SMPD3: variants seen among roughly 807,000 people sequenced by gnomAD.
SMPD3 encodes sphingomyelin phosphodiesterase 3.
SMPD3 carries 21 observed loss-of-function variants against 55.7 expected under a neutral mutation model. The observed-to-expected ratio is 0.38, with a 90% CI of 0.27 to 0.54. SMPD3 has a LOEUF of 0.54. Among genes scored for constraint, SMPD3 ranks in the 20% least tolerant of loss-of-function variants. SMPD3 has a pLI of 0.80. For missense variants in SMPD3, 842 were observed against 899.6 expected, an observed-to-expected ratio of 0.94 and a Z score of 0.82; for synonymous variants, 457 against 404.3, an observed-to-expected ratio of 1.13 and a Z score of -1.56.
intron 2 of SMPD3, among the ~76,000 whole-genome samples, chr16:68,377,264 G>A (rs1009311568): frequency 3.3e-5 from 5 of 152,218 alleles, no homozygotes; most frequent in Non-Finnish European, 1.5e-5. Flanking sequence ...CCAAGCAGGA[G>A]GAGAACTTGC....
intron 1 of SMPD3, among the ~76,000 whole-genome samples, chr16:68,392,048 T>C (rs1373375688): frequency 1.3e-5 from 2 of 151,944 alleles, no homozygotes; most frequent in African/African-American, 4.8e-5. Flanking sequence ...CCCACCATCA[T>C]GTCCAGCTAA....
In SMPD3 at chr16:68,361,669, C is replaced by G; in HGVS notation, c.1800G>C (p.Lys600Asn). 1 of 1,612,752 alleles carries G rather than the reference C, an allele frequency of 6.2e-7. No individual in the cohort carries two copies. The highest frequency in any genetic ancestry group is 8.5e-7 in the Non-Finnish European group (1 of 1,179,976). Residue 600 changes from lysine to asparagine, a missense_variant, in exon 8 of 9, where the codon AAG (lysine) becomes AAC (asparagine). Physicochemically the swap from Lys to Asn is moderately conservative, Grantham distance 94. This residue lies in a region of SMPD3 where 649 missense variants were observed against 643.6 expected (regional missense o/e 1.01). Transcript: ENST00000219334. ...TGTAGTCGATGCGCCGGCCGTTGCC[C>G]TTCAGCAGCTCCTTCCGCCCCTTCT... The part of the protein sequence containing the change: ...SGQKGRKELL[K>N]GNGRRIDYML...
chr16:68,406,454 C>G (rs974236859), intron 1 of SMPD3, among the ~76,000 whole-genome samples: 1 of 152,186 alleles, frequency 6.6e-6, no homozygotes, highest in African/African-American at 2.4e-5. Context: ...GTTGGGATGG[C>G]TGGGGCTAGT....
At chr16:68,428,947 G>A (rs1015236446) in intron 1 of SMPD3, among the ~76,000 whole-genome samples, 1 of 152,218 alleles carries the variant, frequency 6.6e-6, no homozygotes, top group Non-Finnish European at 1.5e-5. Flanking sequence ...GGTCAGAGCA[G>A]GTCAGCCTAG....
intron 3 of SMPD3, among the ~76,000 whole-genome samples, chr16:68,366,777 A>G (rs1268542822): frequency 6.6e-6 from 1 of 152,180 alleles, no homozygotes; most frequent in Admixed American, 6.5e-5. Context: ...TGGGAGGTTG[A>G]GGCAGGCAGA....
At chr16:68,361,820 G>C in intron 7 of SMPD3, 61 bp from the exon 8 acceptor site, 2 of 1,574,030 alleles carry the variant, frequency 1.3e-6, no homozygotes, top group Non-Finnish European at 1.7e-6. Context: ...CCTGGCAGGG[G>C]CTGTGTGTGG....
At chr16:68,367,051 C>T (rs1204974471) in intron 3 of SMPD3, among the ~76,000 whole-genome samples, 2 of 151,806 alleles carry the variant, frequency 1.3e-5, no homozygotes, top group Non-Finnish European at 2.9e-5. Context: ...GCCTGTAACC[C>T]CAGCTATTCA....
At chr16:68,378,169 C>T (rs1430105465) in intron 2 of SMPD3, among the ~76,000 whole-genome samples, 13 of 152,174 alleles carry the variant, frequency 8.5e-5, no homozygotes, top group Admixed American at 6.5e-5. Flanking sequence ...CCCTGGTTTC[C>T]GCAGGAAAAG....
chr16:68,387,567 T>C (rs2090069261), intron 1 of SMPD3, among the ~76,000 whole-genome samples: 1 of 152,178 alleles, frequency 6.6e-6, no homozygotes, highest in Admixed American at 6.5e-5. Flanking sequence ...CCAGGCCTTG[T>C]CCCTACTAAT....
Position 68,361,879 on chromosome 16 carries a change from C to T in SMPD3, c.1710-120G>A, listed in dbSNP as rs2089290804. 8.6e-6 allele frequency: 12 copies of T among 1,396,456 alleles called. No homozygotes were observed. In the South Asian group the frequency reaches 1.7e-4, roughly 19 times the overall value. The allele number at this position is 1,396,456 out of a possible 1,614,324, so 86.5% of individuals were successfully genotyped here. A position where few individuals can be genotyped will look rare whatever the true frequency, so the allele number is the denominator to read the frequency against. On this transcript the variant is annotated intron_variant, in intron 7 of 8. Transcript: ENST00000219334. ...GGAGCGGGTGGGTGGGACCAAAGCG[C>T]TGGGTTTAAGATCTCTCCCCTGCGG... is the stretch of plus-strand genomic sequence containing the variant.
rs997822043 is a variant in SMPD3, at chr16:68,404,057, G to T, written c.-268-17398C>A. On this transcript the variant is annotated intron_variant, in intron 1 of 8. Transcript: ENST00000219334. This position sits in a 1 kb window ranked among gnomAD's most constrained non-coding sequence, Gnocchi z 4.0. ...CTTTCTTTCTTTATTCTTTGACAGG[G>T]TCTCATTCTGTGCAGTGGTGCCATC... Among the ~76,000 whole-genome samples, 7 of 151,944 alleles carry T rather than the reference G, an allele frequency of 4.6e-5. No homozygotes were observed. Among genetic ancestry groups the T allele is most frequent in the Admixed American group, 4.6e-4 (7 of 15,240 alleles).
At chr16:68,411,103 A>G (rs1597654008) in intron 1 of SMPD3, among the ~76,000 whole-genome samples, 1 of 152,268 alleles carries the variant, frequency 6.6e-6, no homozygotes, top group Non-Finnish European at 1.5e-5. Flanking sequence ...CTCTATGACC[A>G]GAATGTCCCT....
chr16:68,370,947 C>A lies in SMPD3; in HGVS notation c.1235G>T (p.Arg412Leu), dbSNP rs1475905960. The change falls in exon 3 of 9, where the codon CGC becomes CTC. Residue 412 changes from arginine (R) to leucine (L), a missense_variant. Physicochemically the swap from Arg to Leu is moderately radical, Grantham distance 102. Transcript: ENST00000219334. ...CLNSGLLFAS[R>L]YPIMDVAYHC... ...ATAGGCCACGTCCATGATGGGGTAG[C>A]GGCTGGCAAAGAGGAGGCCGCTGTT... is the stretch of plus-strand genomic sequence containing the variant. 1 of 1,614,118 alleles carries A rather than the reference C, an allele frequency of 6.2e-7. No homozygotes were observed.
At chr16:68,410,307 C>A (rs975765034) in intron 1 of SMPD3, among the ~76,000 whole-genome samples, 23 of 151,914 alleles carry the variant, frequency 1.5e-4, no homozygotes, top group Admixed American at 3.3e-4. Context: ...AGGGCAGAGG[C>A]GATGGGCCAT....
chr16:68,434,657 T>A (rs529259922), intron 1 of SMPD3, among the ~76,000 whole-genome samples: 1 of 152,332 alleles, frequency 6.6e-6, no homozygotes, highest in Admixed American at 6.5e-5. Flanking sequence ...GTTTTTTGCA[T>A]TTCCTTTCTT....
At chr16:68,396,990 G>A (rs113531948) in intron 1 of SMPD3, among the ~76,000 whole-genome samples, 27 of 152,270 alleles carry the variant, frequency 1.8e-4, no homozygotes, top group African/African-American at 4.8e-4. Flanking sequence ...CCTGCACAAC[G>A]TCTTGTTTCA....
chr16:68,445,708 T>C (rs928844993), intron 1 of SMPD3, among the ~76,000 whole-genome samples: 2 of 152,240 alleles, frequency 1.3e-5, no homozygotes, highest in East Asian at 3.8e-4. Flanking sequence ...CTGGGCTAGA[T>C]AGATGGTGGC....
chr16:68,361,359 CT>C, intron 8 of SMPD3, 52 bp from the exon 9 acceptor site: 1 of 1,557,962 alleles, frequency 6.4e-7, no homozygotes, highest in South Asian at 1.2e-5. Flanking sequence ...CCAAGGGCAT[CT>C]TGCAGGGAGC....
Position 68,361,565 on chromosome 16 carries a change from CTT to C in SMPD3, c.1866+36_1866+37del, listed in dbSNP as rs771812508. ...CTGCAGGGCCCGGGCCCTGCTCTCTCTTTGCATGGCCCTGGCTGCTGGGCCCT... is the reference window on the plus strand; with the variant it reads ...CTGCAGGGCCCGGGCCCTGCTCTCTCTGCATGGCCCTGGCTGCTGGGCCCT... On this transcript the variant is annotated intron_variant, in intron 8 of 8. Coordinates refer to ENST00000219334, the MANE Select transcript of SMPD3 (RefSeq NM_018667.4). 8.1e-6 allele frequency: 13 copies of C among 1,600,702 alleles called. No individual in the cohort carries two copies. The East Asian group carries it at 1.1e-4, about 14-fold the overall frequency.
Sources: gnomAD v4.1 joint callset for allele counts (sites outside exome capture counted in the v4.1 genomes callset) on GRCh38, gnomAD v4.1.1 for gene constraint, gnomAD v4.1.1 regional missense constraint, Gnocchi (gnomAD v3.1) non-coding constraint, MANE v1.5 for transcripts, NCBI Gene and HGNC (gene_info 2026-07-23, HGNC 2026-07-21) for gene names.